Variants in OSBPL1A observed in about 807,000 individuals in gnomAD.
OSBPL1A encodes the protein oxysterol-binding protein-related protein 1.
A neutral mutation model predicts 137.1 loss-of-function variants in OSBPL1A; 80 were observed. The observed-to-expected ratio is 0.58, with a 90% confidence interval of 0.49 to 0.70. OSBPL1A has a LOEUF of 0.70. OSBPL1A is among the 30% of genes least tolerant of loss of function. The pLI, the probability that OSBPL1A is intolerant of heterozygous loss-of-function variation, is 0.00. For synonymous variants in OSBPL1A, 365 were observed against 389.7 expected, an observed-to-expected ratio of 0.94 and a Z score of 0.75; for missense variants, 970 against 1,129.4, an observed-to-expected ratio of 0.86 and a Z score of 2.02.
intron 13 of OSBPL1A, among the ~76,000 whole-genome samples, chr18:24,310,256 G>A (rs1054447297): frequency 2.6e-5 from 4 of 151,680 alleles, no homozygotes; most frequent in African/African-American, 9.7e-5. Context: ...GAAAGATATA[G>A]TCGAGGTTGA....
chr18:24,277,037 C>A (rs1278065455), intron 15 of OSBPL1A, among the ~76,000 whole-genome samples: 1 of 152,102 alleles, frequency 6.6e-6, no homozygotes, highest in African/African-American at 2.4e-5. Context: ...CATCAGTATT[C>A]CACTGCTAGA....
chr18:24,207,747 C>G lies in OSBPL1A; in HGVS notation c.1602-11547G>C, dbSNP rs182152665. Among the ~76,000 whole-genome samples, 59 of 152,256 alleles carry G rather than the reference C, an allele frequency of 3.9e-4. 1 individual carries two copies. In the East Asian group the frequency reaches 6.8e-3, roughly 17 times the overall value. On this transcript the variant is annotated intron_variant, in intron 17 of 27. Transcript: ENST00000319481. Reference sequence around the variant, plus strand: ...ACTTATCACCTCTCTTCTCAACTATCAGACTTCTTATCGTTTCCTCCAAAT... The same window carrying G: ...ACTTATCACCTCTCTTCTCAACTATGAGACTTCTTATCGTTTCCTCCAAAT...
intron 4 of OSBPL1A, among the ~76,000 whole-genome samples, chr18:24,355,989 AAAAAAAAAAAAGAAAAG>A (rs1263000859): frequency 2.7e-5 from 4 of 149,702 alleles, no homozygotes; most frequent in African/African-American, 4.9e-5. Flanking sequence ...TTGTCTCAAA[AAAAAAAAAAAAGAAAAG>A]AAAAAAAAAG....
chr18:24,285,128 G>A (rs1241090036), intron 14 of OSBPL1A, among the ~76,000 whole-genome samples: 2 of 152,078 alleles, frequency 1.3e-5, no homozygotes, highest in Non-Finnish European at 2.9e-5. Context: ...CTCCAACAGC[G>A]GCCACACCCA....
intron 4 of OSBPL1A, among the ~76,000 whole-genome samples, chr18:24,345,775 C>T (rs1392405742): frequency 6.6e-6 from 1 of 152,136 alleles, no homozygotes; most frequent in Non-Finnish European, 1.5e-5. Context: ...CTTCCTCACT[C>T]ACTGTCTAAA....
At chr18:24,360,260 C>T (rs141581937) in intron 4 of OSBPL1A, among the ~76,000 whole-genome samples, 2,666 of 152,294 alleles carry the variant, frequency 0.018, 78 homozygotes, top group African/African-American at 0.06. Context: ...CATGAGCCAC[C>T]GTGCCAAGCT....
rs575880272 is a variant in OSBPL1A at position 24,174,858 on chromosome 18, G to C, written c.2094-2375C>G. Among the ~76,000 whole-genome samples the C allele has an allele frequency of 3.3e-5, 5 of 151,518 alleles. No homozygotes were observed. The South Asian group carries it at 1.0e-3, about 32-fold the overall frequency. ...GTGGATCATAGCTCACTGCAGCCTCGAACTCCTCGGCTCAAGTGACCCTCC... is the reference window on the plus strand; with the variant it reads ...GTGGATCATAGCTCACTGCAGCCTCCAACTCCTCGGCTCAAGTGACCCTCC... On this transcript the variant is annotated intron_variant, in intron 21 of 27. Transcript: ENST00000319481.
intron 15 of OSBPL1A, among the ~76,000 whole-genome samples, chr18:24,268,170 C>T (rs2089629230): frequency 6.6e-6 from 1 of 152,092 alleles, no homozygotes; most frequent in Admixed American, 6.6e-5. Flanking sequence ...GGTTGGAATG[C>T]AGTGGTGCAG....
Position 24,271,939 on chromosome 18 carries a change from G to T in OSBPL1A, c.1281+8903C>A. On this transcript the variant is annotated intron_variant, in intron 15 of 27. Transcript: ENST00000319481. The surrounding 1 kb of genome is among the most constrained non-coding windows in gnomAD (Gnocchi z 4.0). ...CTGCGCTGCCCCTCCGCCGCCGCTG[G>T]CTCGGCCGCAGACCCGCCCTCCGGG... is the stretch of plus-strand genomic sequence containing the variant. 1.3e-5 allele frequency: 13 copies of T among 983,126 alleles called. No individual in the cohort carries two copies. Among genetic ancestry groups the T allele is most frequent in the Non-Finnish European group, 1.6e-5 (13 of 829,240 alleles). The allele number at this position is 983,126 out of a possible 1,614,324, so 60.9% of individuals were successfully genotyped here.
intron 13 of OSBPL1A, among the ~76,000 whole-genome samples, chr18:24,308,777 T>G (rs1317388075): frequency 6.6e-6 from 1 of 151,872 alleles, no homozygotes; most frequent in Non-Finnish European, 1.5e-5. Flanking sequence ...ACTGAATTTT[T>G]TTTTTTGAGT....
intron 5 of OSBPL1A, among the ~76,000 whole-genome samples, chr18:24,337,316 G>A (rs1331116165): frequency 6.6e-6 from 1 of 151,630 alleles, no homozygotes; most frequent in African/African-American, 2.4e-5. Context: ...GCAATATATT[G>A]AGGCCTTTTC....
At chr18:24,194,308 G>T (rs1040590695) in intron 18 of OSBPL1A, among the ~76,000 whole-genome samples, 7 of 152,124 alleles carry the variant, frequency 4.6e-5, no homozygotes, top group African/African-American at 1.7e-4. Context: ...TAAAATAAAT[G>T]TAACGAGCTG....
chr18:24,250,178 G>GTTTTT lies in OSBPL1A; in HGVS notation c.1282-10797_1282-10796insAAAAA, dbSNP rs1408310982. On this transcript the variant is annotated intron_variant, in intron 15 of 27. Coordinates refer to ENST00000319481, the MANE Select transcript of OSBPL1A (RefSeq NM_080597.4). ...TTTTTGTTTGTTTGTTTGTTTGTTT[G>GTTTTT]TTTGTTTGTTTTTTTTGACATGGAG... Among the ~76,000 whole-genome samples the GTTTTT allele has an allele frequency of 4.3e-3, 342 of 79,536 alleles. 8 individuals carry two copies. The highest frequency in any genetic ancestry group is 0.031 in the East Asian group (28 of 918). 52.2% of individuals were successfully genotyped at this position (79,536 alleles called of 152,430 possible).
intron 12 of OSBPL1A, among the ~76,000 whole-genome samples, chr18:24,313,339 G>A (rs1253202383): frequency 6.6e-6 from 1 of 151,642 alleles, no homozygotes; most frequent in African/African-American, 2.4e-5. Flanking sequence ...TACTCAGGAG[G>A]TGGAGGCAGG....
chr18:24,289,165 G>T (rs2090128214), intron 14 of OSBPL1A, among the ~76,000 whole-genome samples: 1 of 152,130 alleles, frequency 6.6e-6, no homozygotes, highest in Non-Finnish European at 1.5e-5. Flanking sequence ...CTTTTTTGTG[G>T]AAAGGAAACT....
chr18:24,243,131 G>A (rs2088763412), intron 15 of OSBPL1A, among the ~76,000 whole-genome samples: 2 of 152,122 alleles, frequency 1.3e-5, no homozygotes, highest in Non-Finnish European at 2.9e-5. Flanking sequence ...GAAGGCTGAG[G>A]CAGAAGAATC....
chr18:24,281,740 A>G (rs2089963278), intron 14 of OSBPL1A, among the ~76,000 whole-genome samples: 1 of 152,208 alleles, frequency 6.6e-6, no homozygotes, highest in Non-Finnish European at 1.5e-5. Context: ...TTTAGGGCAC[A>G]TAAATTGGTA....
At chr18:24,175,373 G>C (rs1231364929) in intron 21 of OSBPL1A, among the ~76,000 whole-genome samples, 1 of 149,848 alleles carries the variant, frequency 6.7e-6, no homozygotes, top group African/African-American at 2.5e-5. Context: ...TTTTACTAGA[G>C]ACAAGGATCC....
chr18:24,229,370 C>A (rs1040377425), intron 16 of OSBPL1A, among the ~76,000 whole-genome samples: 4 of 152,124 alleles, frequency 2.6e-5, no homozygotes, highest in Non-Finnish European at 4.4e-5. Flanking sequence ...ATTTACAGTG[C>A]CTGTGAAATA....
Sources: gnomAD v4.1 joint callset for allele counts (sites outside exome capture counted in the v4.1 genomes callset) on GRCh38, gnomAD v4.1.1 for gene constraint, Gnocchi (gnomAD v3.1) non-coding constraint, MANE v1.5 for transcripts, NCBI Gene and HGNC (gene_info 2026-07-23, HGNC 2026-07-21) for gene names.